The following PARPBP variants were observed in gnomAD, a reference collection of about 807,000 sequenced individuals.
PARPBP encodes the protein PARP1 binding protein.
PARPBP carries 52 observed loss-of-function variants against 50.0 expected under a neutral mutation model. The observed-to-expected ratio is 1.04, with a 90% CI of 0.83 to 1.31. PARPBP has a LOEUF of 1.31. Among genes scored for constraint, PARPBP ranks in the 50% most tolerant of loss-of-function variants. The pLI is 0.00. For missense variants in PARPBP, 697 were observed against 672.0 expected (o/e 1.04, Z -0.41); for synonymous variants, 244 against 232.1 (o/e 1.05, Z -0.47).
intron 7 of PARPBP, 66 bp from the exon 8 acceptor site, chr12:102,178,526 A>T: frequency 1.0e-6 from 1 of 986,724 alleles, no homozygotes; most frequent in Non-Finnish European, 1.4e-6. Context: ...CAGGGAATTT[A>T]AAAGTATGGC....
At chr12:102,182,677 G>T in intron 9 of PARPBP, 50 bp downstream of exon 9, 4 of 1,222,932 alleles carry the variant, frequency 3.3e-6, no homozygotes, top group South Asian at 1.3e-5. Context: ...TTTATTTTTA[G>T]AAGAAATAAA....
intron 9 of PARPBP, among the ~76,000 whole-genome samples, chr12:102,189,227 G>A (rs767020861): frequency 1.6e-4 from 24 of 152,294 alleles, no homozygotes; most frequent in South Asian, 6.2e-4. Context: ...ATATAAAGTT[G>A]CCTATGGGTT....
chr12:102,139,374 G>T (rs1344190016), intron 2 of PARPBP, among the ~76,000 whole-genome samples: 3 of 152,216 alleles, frequency 2.0e-5, no homozygotes, highest in African/African-American at 7.2e-5. Flanking sequence ...AGCTTAAGGA[G>T]ATTTTGGGCT....
At chr12:102,156,702 C>T (rs1021594067) in intron 4 of PARPBP, among the ~76,000 whole-genome samples, 1 of 152,106 alleles carries the variant, frequency 6.6e-6, no homozygotes, top group African/African-American at 2.4e-5. Flanking sequence ...TGCAGTGTGG[C>T]ACGATCTCCA....
At chr12:102,189,938 G>C (rs899354299) in intron 9 of PARPBP, among the ~76,000 whole-genome samples, 1 of 152,100 alleles carries the variant, frequency 6.6e-6, no homozygotes, top group African/African-American at 2.4e-5. Flanking sequence ...GGTTTTCTCT[G>C]CATGTATATT....
intron 3 of PARPBP, chr12:102,149,080 G>A (rs2138738294): frequency 6.6e-6 from 1 of 152,118 alleles, no homozygotes; most frequent in South Asian, 2.1e-4. Context: ...TATTTTTAAA[G>A]TGTTGGAAAT....
intron 2 of PARPBP, among the ~76,000 whole-genome samples, chr12:102,127,582 ATCTT>A (rs1237966799): frequency 7.2e-5 from 11 of 152,154 alleles, no homozygotes; most frequent in African/African-American, 2.7e-4. Flanking sequence ...ATCATTTGGT[ATCTT>A]TCTTTTTCAT....
At chr12:102,146,314 C>G (rs1157210864) in intron 2 of PARPBP, among the ~76,000 whole-genome samples, 1 of 152,170 alleles carries the variant, frequency 6.6e-6, no homozygotes, top group Non-Finnish European at 1.5e-5. Context: ...TGACTTCAAA[C>G]TATACTACAA....
At chr12:102,181,801 C>A (rs1889844583) in intron 8 of PARPBP, among the ~76,000 whole-genome samples, 2 of 152,248 alleles carry the variant, frequency 1.3e-5, no homozygotes, top group Admixed American at 6.5e-5. Context: ...ATTTGTTTCT[C>A]ATAGTTCTGG....
intron 9 of PARPBP, among the ~76,000 whole-genome samples, chr12:102,184,243 G>A (rs770070242): frequency 2.0e-5 from 3 of 151,928 alleles, no homozygotes; most frequent in Non-Finnish European, 4.4e-5. Context: ...TACATGAGAT[G>A]TTTTGATATA....
chr12:102,192,050 C>G (rs11111198), intron 9 of PARPBP, among the ~76,000 whole-genome samples: 2,569 of 152,194 alleles, frequency 0.017, 68 homozygotes, highest in African/African-American at 0.06. Flanking sequence ...GAAAAGCAAT[C>G]TCTTTTAAGT....
At chr12:102,139,251 T>C (rs980556935) in intron 2 of PARPBP, among the ~76,000 whole-genome samples, 4 of 152,206 alleles carry the variant, frequency 2.6e-5, no homozygotes, top group Non-Finnish European at 5.9e-5. Flanking sequence ...TTTGTAGCAA[T>C]TGTGAATGAG....
intron 6 of PARPBP, among the ~76,000 whole-genome samples, chr12:102,171,670 T>A (rs1004588106): frequency 1.3e-5 from 2 of 151,962 alleles, no homozygotes; most frequent in Non-Finnish European, 2.9e-5. Context: ...ATCGAGACCA[T>A]CCTGGCTAAC....
At position 102,196,269 on chromosome 12, in the gene PARPBP, T is replaced by C. The variant is rs773099658; in HGVS notation, c.1718T>C (p.Leu573Ser). 2.5e-6 allele frequency: 4 copies of C among 1,591,166 alleles called. No homozygotes were observed. The South Asian group carries it at 4.6e-5, about 18-fold the overall frequency. ...KDKLISGQAK[L>S]TQFFRL Reference sequence around the variant, plus strand: ...AAGTTGATTTCTGGCCAGGCAAAGTTAACTCAGTTTTTTAGACTATAAATT... The same window carrying C: ...AAGTTGATTTCTGGCCAGGCAAAGTCAACTCAGTTTTTTAGACTATAAATT... The change falls in exon 11 of 11, where the codon TTA (leucine) becomes TCA (serine). Residue 573 changes from leucine (L) to serine (S), a missense_variant. Leu to Ser is a moderately radical substitution (Grantham distance 145). Transcript: ENST00000327680.
rs1368723044 is a variant in PARPBP at position 102,197,283 on chromosome 12, A to C, written c.*992A>C. The C allele has an allele frequency of 2.0e-6, 2 of 980,894 alleles. No homozygotes were observed. Among genetic ancestry groups the C allele is most frequent in the African/African-American group, 1.7e-5 (1 of 60,562 alleles). The allele number at this position is 980,894 out of a possible 1,614,324, so 60.8% of individuals were successfully genotyped here. On this transcript the variant is annotated 3_prime_UTR_variant, in exon 11 of 11. Coordinates refer to ENST00000327680, the MANE Select transcript of PARPBP (RefSeq NM_017915.5). ...TCAAAGTTACTCTGCACTGTTTTTG[A>C]CTTTTTAAAAATACCTTAGATGCAA... is the stretch of plus-strand genomic sequence containing the variant.
chr12:102,188,039 A>G (rs978136358), intron 9 of PARPBP, among the ~76,000 whole-genome samples: 5 of 152,124 alleles, frequency 3.3e-5, no homozygotes, highest in Non-Finnish European at 7.4e-5. Flanking sequence ...TAGCCCATGT[A>G]AAGGAACTCT....
At position 102,150,963 on chromosome 12, in the gene PARPBP, T is replaced by C. The variant is rs530262766; in HGVS notation, c.387+2500T>C. Among the ~76,000 whole-genome samples the C allele has an allele frequency of 9.8e-4, 149 of 152,344 alleles. 6 individuals are homozygous for C. The South Asian group carries it at 0.025, about 25-fold the overall frequency. ...CCTGTTTGTTTGTCCACTGCTGCTC[T>C]GTAAGTATAGATACAATTTCAACTT... is the stretch of plus-strand genomic sequence containing the variant. On this transcript the variant is annotated intron_variant, in intron 3 of 10. Coordinates refer to ENST00000327680, the MANE Select transcript of PARPBP (RefSeq NM_017915.5).
chr12:102,173,208 C>A (rs1468472183), intron 6 of PARPBP, among the ~76,000 whole-genome samples: 1 of 152,160 alleles, frequency 6.6e-6, no homozygotes, highest in Non-Finnish European at 1.5e-5. Context: ...GAAACACATA[C>A]CCATTCTACA....
intron 6 of PARPBP, among the ~76,000 whole-genome samples, chr12:102,174,358 C>T (rs1371839264): frequency 2.0e-5 from 3 of 152,172 alleles, no homozygotes; most frequent in Non-Finnish European, 2.9e-5. Context: ...TTTCTTCTAA[C>T]TTTCCTCTTC....
Sources: gnomAD v4.1 joint callset for allele counts (sites outside exome capture counted in the v4.1 genomes callset) on GRCh38, gnomAD v4.1.1 for gene constraint, MANE v1.5 for transcripts, NCBI Gene and HGNC (gene_info 2026-07-23, HGNC 2026-07-21) for gene names.